The following CORIN variants were observed in gnomAD, a reference collection of about 807,000 sequenced individuals.
The protein encoded by CORIN is corin, serine peptidase.
In CORIN, 117 loss-of-function variants were observed where a neutral mutation model predicts 125.3. That is an observed-to-expected ratio of 0.93 (90% CI 0.80 to 1.09). The LOEUF is 1.09. CORIN is among the 50% of genes least tolerant of loss of function. The probability of loss-of-function intolerance (pLI) is 0.00; values close to 1 mark genes in which losing one functional copy is unlikely to be tolerated. For missense variants in CORIN, 1,253 were observed against 1,306.7 expected (o/e 0.96, Z 0.63); for synonymous variants, 450 against 466.4 (o/e 0.96, Z 0.45).
At position 47,674,958 on chromosome 4, in the gene CORIN, G is replaced by A. The variant is rs567685825; in HGVS notation, c.1250-458C>T. 5.3e-5 allele frequency among the ~76,000 whole-genome samples: 8 copies of A among 151,994 alleles called. 1 individual carries two copies. The South Asian group carries it at 6.3e-4, about 12-fold the overall frequency. ...AAATGCTTTCTCTAGTAATAAATAG[G>A]GCATCAACACCAATACAATAAGGAT... On this transcript the variant is annotated intron_variant, in intron 9 of 21. Transcript: ENST00000273857.
At chr4:47,600,964 A>T (rs141715586) in intron 20 of CORIN, among the ~76,000 whole-genome samples, 2 of 152,238 alleles carry the variant, frequency 1.3e-5, no homozygotes, top group African/African-American at 4.8e-5. Context: ...GTTCTTGAAG[A>T]ATGACAATGG....
At chr4:47,748,968 C>A (rs1242076975) in intron 4 of CORIN, among the ~76,000 whole-genome samples, 1 of 152,172 alleles carries the variant, frequency 6.6e-6, no homozygotes, top group African/African-American at 2.4e-5. Context: ...GATACAATAT[C>A]TTTAACAAAA....
At position 47,786,813 on chromosome 4, in the gene CORIN, A is replaced by G. The variant is rs1373571465; in HGVS notation, c.321T>C (p.Thr107=). The change falls in exon 3 of 22, where the codon ACT becomes ACC. Residue 107 remains threonine (T), a synonymous_variant. Transcript: ENST00000273857. ...GGTCGGGATGTGCAGTAGACACCAC[A>G]GTGCTCTGGTTATAAATTGTATTTG... ...ILTNTIYNQS[T]VVSTAHPDQH... The G allele has an allele frequency of 1.2e-6, 2 of 1,614,008 alleles. No individual in the cohort carries two copies. The highest frequency in any genetic ancestry group is 1.7e-6 in the Non-Finnish European group (2 of 1,179,978).
At chr4:47,775,758 T>C (rs1730269397) in intron 3 of CORIN, among the ~76,000 whole-genome samples, 1 of 152,214 alleles carries the variant, frequency 6.6e-6, no homozygotes, top group African/African-American at 2.4e-5. Context: ...CCAGGCATTT[T>C]CTGCTTCACT....
chr4:47,641,755 G>A (rs898274107), intron 16 of CORIN, among the ~76,000 whole-genome samples, 165 bp downstream of exon 16: 2 of 152,190 alleles, frequency 1.3e-5, no homozygotes, highest in African/African-American at 4.8e-5. Flanking sequence ...TTCAGGGCAG[G>A]TGCCTATAAT....
chr4:47,739,072 AG>A (rs1355073483), intron 5 of CORIN, among the ~76,000 whole-genome samples: 1 of 152,032 alleles, frequency 6.6e-6, no homozygotes, highest in Non-Finnish European at 1.5e-5. Context: ...AATGACTTGG[AG>A]GATGTACCAA....
rs192531424 is a variant in CORIN, at chr4:47,704,841, C to T, written c.800-11758G>A. ...CAGGTGATACTTCTGAGAGAAGGTT[C>T]ATTTTTTTCCACTTGACAAAAGGGT... On this transcript the variant is annotated intron_variant, in intron 5 of 21. Transcript: ENST00000273857. Among the ~76,000 whole-genome samples, 323 of 152,142 alleles carry T rather than the reference C, an allele frequency of 2.1e-3. 1 individual carries two copies. Among genetic ancestry groups the T allele is most frequent in the Non-Finnish European group, 4.0e-3 (269 of 68,010 alleles).
intron 19 of CORIN, among the ~76,000 whole-genome samples, chr4:47,622,160 C>G (rs905723006): frequency 1.3e-5 from 2 of 151,296 alleles, no homozygotes; most frequent in Non-Finnish European, 2.9e-5. Flanking sequence ...TCATCCATGT[C>G]CCTACAAAGG....
chr4:47,818,738 T>A (rs1002592976), intron 1 of CORIN, among the ~76,000 whole-genome samples: 1 of 151,968 alleles, frequency 6.6e-6, no homozygotes, highest in Non-Finnish European at 1.5e-5. Context: ...CCAGACGTGG[T>A]GGTGCACTCC....
chr4:47,773,110 A>T (rs191849605), intron 3 of CORIN, among the ~76,000 whole-genome samples: 4 of 152,326 alleles, frequency 2.6e-5, no homozygotes, highest in Non-Finnish European at 4.4e-5. Context: ...AGTGCTATAG[A>T]ATGTTTTTAA....
At chr4:47,733,306 A>G (rs529861256) in intron 5 of CORIN, among the ~76,000 whole-genome samples, 11 of 152,362 alleles carry the variant, frequency 7.2e-5, no homozygotes, top group African/African-American at 1.9e-4. Flanking sequence ...AAATATCCAT[A>G]TAAGTACCTC....
At chr4:47,658,823 G>GT (rs1724112346) in intron 12 of CORIN, among the ~76,000 whole-genome samples, 1 of 152,168 alleles carries the variant, frequency 6.6e-6, no homozygotes, top group African/African-American at 2.4e-5. Flanking sequence ...AAAGCTTTTT[G>GT]TTTCTTTACC....
At chr4:47,814,917 A>T (rs1242420764) in intron 1 of CORIN, among the ~76,000 whole-genome samples, 1 of 152,178 alleles carries the variant, frequency 6.6e-6, no homozygotes, top group African/African-American at 2.4e-5. Context: ...TTTCAGAATC[A>T]CATATCCCAG....
chr4:47,719,787 T>C (rs1168782345), intron 5 of CORIN, among the ~76,000 whole-genome samples: 8 of 152,298 alleles, frequency 5.3e-5, no homozygotes, highest in Middle Eastern at 6.8e-3. Context: ...TTTCATAATA[T>C]CCTATGGAGT....
intron 7 of CORIN, chr4:47,682,469 A>T (rs1018464301): frequency 2.8e-5 from 4 of 143,990 alleles, no homozygotes; most frequent in African/African-American, 7.5e-5. Flanking sequence ...AAAAAGAGAG[A>T]GAGAGACAGA....
At chr4:47,706,732 G>A (rs1475177224) in intron 5 of CORIN, 2 of 1,603,190 alleles carry the variant, frequency 1.2e-6, no homozygotes, top group African/African-American at 1.3e-5. Flanking sequence ...ATTCTTACTG[G>A]GTTGGTGAAG....
At chr4:47,766,507 A>G in intron 3 of CORIN, among the ~76,000 whole-genome samples, 1 of 152,158 alleles carries the variant, frequency 6.6e-6, no homozygotes, top group East Asian at 1.9e-4. Context: ...GTTGCATGAG[A>G]GGCTAGGATT....
At chr4:47,716,945 G>A (rs1727118576) in intron 5 of CORIN, among the ~76,000 whole-genome samples, 1 of 151,962 alleles carries the variant, frequency 6.6e-6, no homozygotes, top group African/African-American at 2.4e-5. Flanking sequence ...TCATTACAAT[G>A]GAAAGTAGAG....
At chr4:47,661,302 G>A (rs1285503906) in intron 12 of CORIN, among the ~76,000 whole-genome samples, 1 of 152,076 alleles carries the variant, frequency 6.6e-6, no homozygotes, top group Non-Finnish European at 1.5e-5. Flanking sequence ...ATAATTTATT[G>A]TACATTTAAA....
Sources: allele counts gnomAD v4.1 joint callset (sites outside exome capture counted in the v4.1 genomes callset), GRCh38; gene constraint gnomAD v4.1.1; transcripts MANE v1.5; gene names NCBI Gene and HGNC (gene_info 2026-07-23, HGNC 2026-07-21).